MTF1: variants seen among roughly 807,000 people sequenced by gnomAD.
The protein encoded by MTF1 is metal regulatory transcription factor 1, also known as MRE-binding transcription factor.
In MTF1, 22 loss-of-function variants were observed where a neutral mutation model predicts 70.4. The ratio of observed to expected loss-of-function variants is 0.31; its 90% CI spans 0.22 to 0.45. The LOEUF (loss-of-function observed/expected upper bound fraction) is 0.45. MTF1 is among the 20% of genes least tolerant of loss of function. MTF1 has a pLI of 1.00. For synonymous variants in MTF1, 333 were observed against 352.8 expected (o/e 0.94, Z 0.63); for missense variants, 649 against 922.0 (o/e 0.70, Z 3.83).
At chr1:37,855,423 G>A (rs1164386016) in intron 2 of MTF1, among the ~76,000 whole-genome samples, 2 of 152,170 alleles carry the variant, frequency 1.3e-5, no homozygotes, top group African/African-American at 4.8e-5. Context: ...AAGATTAACT[G>A]ATGTCAGGGA....
At chr1:37,846,836 A>G (rs1292428253) in intron 2 of MTF1, among the ~76,000 whole-genome samples, 2 of 152,202 alleles carry the variant, frequency 1.3e-5, no homozygotes, top group Non-Finnish European at 2.9e-5. Flanking sequence ...GAAAGTGAGA[A>G]GCAGATTTTA....
chr1:37,846,669 A>G (rs1162202968), intron 2 of MTF1, among the ~76,000 whole-genome samples: 1 of 152,234 alleles, frequency 6.6e-6, no homozygotes, highest in African/African-American at 2.4e-5. Context: ...ACAGAATCAG[A>G]GAAGAAAGGT....
chr1:37,835,640 C>A (rs1641156643), intron 5 of MTF1, 31 bp downstream of exon 5: 1 of 1,570,366 alleles, frequency 6.4e-7, no homozygotes, highest in Non-Finnish European at 8.8e-7. Context: ...TAGTTACAGG[C>A]TTGATGAAAC....
At chr1:37,823,673 T>G in intron 8 of MTF1, 37 bp downstream of exon 8, 2 of 1,461,952 alleles carry the variant, frequency 1.4e-6, no homozygotes, top group South Asian at 2.3e-5. Context: ...TGTCAGCAAG[T>G]GCTTAGATGT....
intron 7 of MTF1, among the ~76,000 whole-genome samples, chr1:37,830,957 A>T (rs896096303): frequency 6.6e-6 from 1 of 151,966 alleles, no homozygotes; most frequent in Non-Finnish European, 1.5e-5. Flanking sequence ...GCCACCCTGA[A>T]CTCTGTCCTC....
intron 3 of MTF1, among the ~76,000 whole-genome samples, chr1:37,839,708 C>T (rs917747003): frequency 1.3e-5 from 2 of 152,192 alleles, no homozygotes; most frequent in African/African-American, 4.8e-5. Context: ...CAAGATACGT[C>T]CATCTTTAAG....
intron 2 of MTF1, among the ~76,000 whole-genome samples, chr1:37,849,178 C>T (rs1434343193): frequency 6.6e-6 from 1 of 152,200 alleles, no homozygotes; most frequent in East Asian, 1.9e-4. Context: ...GTAATCCCAG[C>T]ACTGTGGGAG....
At chr1:37,818,796 C>T (rs1244622848) in intron 9 of MTF1, among the ~76,000 whole-genome samples, 1 of 151,680 alleles carries the variant, frequency 6.6e-6, no homozygotes, top group Non-Finnish European at 1.5e-5. Context: ...AGATCGAGAC[C>T]ATCCTGGCTA....
intron 4 of MTF1, among the ~76,000 whole-genome samples, chr1:37,836,243 C>A (rs1253333730): frequency 6.6e-6 from 1 of 151,938 alleles, no homozygotes; most frequent in Non-Finnish European, 1.5e-5. Context: ...AACTGAGAGC[C>A]CAGGATAAGT....
In MTF1 at chr1:37,815,124, C is replaced by T; in HGVS notation, c.*12G>A. Reference sequence around the variant, plus strand: ...CACCCGCTTTTCCCAGAGGTGAGCACACATGGGCCCTTCACTTGGAGAAGC... The same window carrying T: ...CACCCGCTTTTCCCAGAGGTGAGCATACATGGGCCCTTCACTTGGAGAAGC... On this transcript the variant is annotated 3_prime_UTR_variant, in exon 11 of 11. Transcript: ENST00000373036. The surrounding 1 kb of genome is among the most constrained non-coding windows in gnomAD (Gnocchi z 4.5). The T allele has an allele frequency of 6.2e-7, 1 of 1,613,058 alleles. No individual in the cohort carries two copies. Among genetic ancestry groups the T allele is most frequent in the Non-Finnish European group, 8.5e-7 (1 of 1,179,276 alleles).
At chr1:37,824,589 T>C (rs1472042771) in intron 7 of MTF1, among the ~76,000 whole-genome samples, 1 of 152,096 alleles carries the variant, frequency 6.6e-6, no homozygotes, top group East Asian at 1.9e-4. Flanking sequence ...TCCCAGCTAC[T>C]TGGGAGGCTG....
chr1:37,857,980 C>A (rs1438449785), intron 1 of MTF1, among the ~76,000 whole-genome samples: 1 of 144,268 alleles, frequency 6.9e-6, no homozygotes, highest in Non-Finnish European at 1.5e-5. Flanking sequence ...AGTTTGAGAT[C>A]AGCCTGGTCA....
chr1:37,810,700 A>G lies in MTF1; in HGVS notation c.*4436T>C, dbSNP rs1341521894. ...GCAGAACTATTTGCATATTGGATCT[A>G]TGAAAATCCTTCTGCTTTGGCTGAA... On this transcript the variant is annotated 3_prime_UTR_variant, in exon 11 of 11. Coordinates refer to ENST00000373036, the MANE Select transcript of MTF1 (RefSeq NM_005955.3). 1 of 152,244 alleles carries G rather than the reference A, an allele frequency of 6.6e-6. No individual in the cohort carries two copies. Among genetic ancestry groups the G allele is most frequent in the African/African-American group, 2.4e-5 (1 of 41,458 alleles). The allele number at this position is 152,244 out of a possible 1,614,324, so 9.4% of individuals were successfully genotyped here.
At chr1:37,816,098 T>G in intron 10 of MTF1, among the ~76,000 whole-genome samples, 1 of 152,204 alleles carries the variant, frequency 6.6e-6, no homozygotes, top group East Asian at 1.9e-4. Flanking sequence ...CTCCTTGCGG[T>G]ACAGGACCTG....
chr1:37,810,955 T>C lies in MTF1; in HGVS notation c.*4181A>G, dbSNP rs1640719904. The C allele has an allele frequency of 6.6e-6, 1 of 152,622 alleles. No individual in the cohort carries two copies. Among genetic ancestry groups the C allele is most frequent in the Non-Finnish European group, 1.5e-5 (1 of 68,046 alleles). The allele number at this position is 152,622 out of a possible 1,614,324, so 9.5% of individuals were successfully genotyped here. On this transcript the variant is annotated 3_prime_UTR_variant, in exon 11 of 11. Transcript: ENST00000373036. ...ACCCATGCCTCCCCAAACATATTTC[T>C]GATTGGTGGTGTAAGACAATTGTAA... is the stretch of plus-strand genomic sequence containing the variant.
intron 7 of MTF1, among the ~76,000 whole-genome samples, chr1:37,830,694 C>CT (rs1220135787): frequency 6.6e-6 from 1 of 152,208 alleles, no homozygotes; most frequent in African/African-American, 2.4e-5. Context: ...ACTCTGGACT[C>CT]TGTTACACTT....
intron 7 of MTF1, chr1:37,828,192 A>G: frequency 2.4e-6 from 1 of 409,954 alleles, no homozygotes; most frequent in Admixed American, 3.0e-5. Flanking sequence ...AAAAACAGGA[A>G]AAACTAATCT....
At chr1:37,844,896 C>A (rs1442445455) in intron 2 of MTF1, among the ~76,000 whole-genome samples, 1 of 152,310 alleles carries the variant, frequency 6.6e-6, no homozygotes, top group African/African-American at 2.4e-5. Flanking sequence ...GTTTTCAGAG[C>A]TTCCTGTAAA....
chr1:37,811,936 AC>A lies in MTF1; in HGVS notation c.*3199del, dbSNP rs2148395486. ...CTGGGCCACCTTCCCTCAATGCCCA[AC>A]CTACCTGCCTGGGAAGGGCCAAGTT... is the stretch of plus-strand genomic sequence containing the variant. On this transcript the variant is annotated 3_prime_UTR_variant, in exon 11 of 11. Coordinates refer to ENST00000373036, the MANE Select transcript of MTF1 (RefSeq NM_005955.3). The A allele has an allele frequency of 6.5e-6, 1 of 152,784 alleles. No individual in the cohort carries two copies. Among genetic ancestry groups the A allele is most frequent in the African/African-American group, 2.4e-5 (1 of 41,570 alleles). 9.5% of individuals were successfully genotyped at this position (152,784 alleles called of 1,614,324 possible).
Sources: gnomAD v4.1 joint callset for allele counts (sites outside exome capture counted in the v4.1 genomes callset) on GRCh38, gnomAD v4.1.1 for gene constraint, Gnocchi (gnomAD v3.1) non-coding constraint, MANE v1.5 for transcripts, NCBI Gene and HGNC (gene_info 2026-07-23, HGNC 2026-07-21) for gene names.